XPNPEP1: variants seen among roughly 807,000 people sequenced by gnomAD.
The protein encoded by XPNPEP1 is X-prolyl aminopeptidase 1.
A neutral mutation model predicts 92.4 loss-of-function variants in XPNPEP1; 39 were observed. The ratio of observed to expected loss-of-function variants is 0.42; its 90% CI spans 0.33 to 0.55. The LOEUF (loss-of-function observed/expected upper bound fraction) is 0.55. Among genes scored for constraint, XPNPEP1 ranks in the 20% least tolerant of loss-of-function variants. XPNPEP1 has a pLI of 0.08. For synonymous variants in XPNPEP1, 307 were observed against 299.4 expected, an observed-to-expected ratio of 1.03 and a Z score of -0.26; for missense variants, 654 against 856.1, an observed-to-expected ratio of 0.76 and a Z score of 2.95.
At chr10:109,868,821 G>T in intron 19 of XPNPEP1, 109 bp from the exon 20 acceptor site, 1 of 1,004,356 alleles carries the variant, frequency 1.0e-6, no homozygotes, top group Non-Finnish European at 1.5e-6. Context: ...GTAACTGGGA[G>T]CCAAGAAGTG....
chr10:109,914,268 G>C (rs561320305), intron 2 of XPNPEP1, among the ~76,000 whole-genome samples: 30 of 152,146 alleles, frequency 2.0e-4, no homozygotes, highest in African/African-American at 7.2e-4. Flanking sequence ...TTTCCTAAAT[G>C]CACACTCAAT....
chr10:109,868,764 A>G (rs1205592392), intron 19 of XPNPEP1, 52 bp from the exon 20 acceptor site: 1 of 1,534,212 alleles, frequency 6.5e-7, no homozygotes, highest in Non-Finnish European at 9.0e-7. Context: ...ACTATGCTGA[A>G]GCACCATGAG....
At chr10:109,865,827 T>C (rs1173688996) in intron 20 of XPNPEP1, among the ~76,000 whole-genome samples, 2 of 152,226 alleles carry the variant, frequency 1.3e-5, no homozygotes, top group Non-Finnish European at 2.9e-5. Context: ...GGTTAAAGAC[T>C]GTGGTGCAGC....
intron 19 of XPNPEP1, 63 bp from the exon 20 acceptor site, chr10:109,868,775 G>A: frequency 6.8e-7 from 1 of 1,477,834 alleles, no homozygotes; most frequent in Non-Finnish European, 9.4e-7. Context: ...GCACCATGAG[G>A]TCATTCCACC....
chr10:109,886,878 A>G (rs1848421219), intron 7 of XPNPEP1, among the ~76,000 whole-genome samples: 1 of 152,150 alleles, frequency 6.6e-6, no homozygotes, highest in Admixed American at 6.6e-5. Flanking sequence ...TTTCAGTGCT[A>G]AGACCTAGGA....
At chr10:109,881,702 G>A (rs930786233) in intron 10 of XPNPEP1, among the ~76,000 whole-genome samples, 1 of 152,182 alleles carries the variant, frequency 6.6e-6, no homozygotes, top group Non-Finnish European at 1.5e-5. Flanking sequence ...GCTTGCCAAA[G>A]GCCACTTGGC....
intron 9 of XPNPEP1, chr10:109,883,814 T>G (rs1052057545): frequency 4.7e-5 from 19 of 406,520 alleles, no homozygotes; most frequent in Non-Finnish European, 7.0e-5. Flanking sequence ...CTAGAAAACT[T>G]GACATCAAAT....
At chr10:109,882,665 T>C (rs1327902520) in intron 9 of XPNPEP1, 23 bp from the exon 10 acceptor site, 1 of 1,612,916 alleles carries the variant, frequency 6.2e-7, no homozygotes, top group Non-Finnish European at 8.5e-7. Context: ...GAGAGGTGGG[T>C]GGCAGAAAAA....
intron 3 of XPNPEP1, among the ~76,000 whole-genome samples, chr10:109,904,111 C>T (rs1044838283): frequency 6.6e-6 from 1 of 151,284 alleles, no homozygotes; most frequent in Admixed American, 6.6e-5. Context: ...TTCCAAAATG[C>T]TCGGATTACA....
At chr10:109,888,404 G>GC in intron 6 of XPNPEP1, 99 bp downstream of exon 6, 2 of 1,297,476 alleles carry the variant, frequency 1.5e-6, no homozygotes, top group Non-Finnish European at 2.1e-6. Context: ...GTCATGCTGA[G>GC]CCCCCCAGTG....
intron 1 of XPNPEP1, among the ~76,000 whole-genome samples, chr10:109,916,605 T>C (rs1347685950): frequency 1.3e-5 from 2 of 152,380 alleles, no homozygotes; most frequent in South Asian, 2.1e-4. Flanking sequence ...CCTGCTTTCA[T>C]ATGGCTGTGA....
At chr10:109,873,600 C>G (rs764722436) in intron 15 of XPNPEP1, 173 bp from the exon 16 acceptor site, 15 of 621,604 alleles carry the variant, frequency 2.4e-5, no homozygotes, top group Non-Finnish European at 3.9e-5. Context: ...AATATAGTCA[C>G]CATATGACCC....
intron 1 of XPNPEP1, among the ~76,000 whole-genome samples, chr10:109,918,829 AAAGG>A (rs1850337837): frequency 7.3e-6 from 1 of 137,666 alleles, no homozygotes; most frequent in South Asian, 2.5e-4. Flanking sequence ...GAAAGAAAGG[AAAGG>A]AGGAAGGAAG....
rs1260185683 is a variant in XPNPEP1, at chr10:109,923,406, C to T, written c.28G>A (p.Val10Ile). The T allele has an allele frequency of 2.1e-6, 3 of 1,440,536 alleles. No homozygotes were observed. The highest frequency in any genetic ancestry group is 3.0e-5 in the African/African-American group (2 of 67,256). The allele number at this position is 1,440,536 out of a possible 1,614,324, so 89.2% of individuals were successfully genotyped here. A position where few individuals can be genotyped will look rare whatever the true frequency, so the allele number is the denominator to read the frequency against. The part of the protein sequence containing the change: MAASRKPPR[V>I]RVNHQDFQLR... ...CTGCCGGCGGAGTGCCCTCACCTTA[C>T]TCGCGGTGGCTTTCTGGAGGCTGCC... The change falls in exon 1 of 21, where the codon GTA (valine) becomes ATA (isoleucine). Residue 10 changes from valine (V) to isoleucine (I), a missense_variant. Physicochemically the swap from Val to Ile is conservative, Grantham distance 29 (BLOSUM62 3). Coordinates refer to ENST00000502935, the MANE Select transcript of XPNPEP1 (RefSeq NM_020383.4).
chr10:109,907,574 C>A, intron 3 of XPNPEP1, 117 bp downstream of exon 3: 1 of 1,498,174 alleles, frequency 6.7e-7, no homozygotes, highest in Non-Finnish European at 9.0e-7. Flanking sequence ...CCATAGCAAG[C>A]CCTGGAAGGG....
intron 3 of XPNPEP1, among the ~76,000 whole-genome samples, chr10:109,897,836 T>C (rs941301925): frequency 6.6e-6 from 1 of 152,038 alleles, no homozygotes; most frequent in Non-Finnish European, 1.5e-5. Context: ...GTATTTTTAG[T>C]AGAGACAGGG....
chr10:109,875,228 G>A (rs1424866426), intron 15 of XPNPEP1, among the ~76,000 whole-genome samples: 1 of 152,128 alleles, frequency 6.6e-6, no homozygotes, highest in African/African-American at 2.4e-5. Flanking sequence ...CATGGGCTGG[G>A]GTGGAAAACT....
chr10:109,883,232 G>A (rs1848205542), intron 9 of XPNPEP1, among the ~76,000 whole-genome samples: 1 of 151,878 alleles, frequency 6.6e-6, no homozygotes, highest in Admixed American at 6.6e-5. Context: ...ACCACTTCAG[G>A]TCCTCCACAT....
At chr10:109,903,747 C>T (rs1849409065) in intron 3 of XPNPEP1, among the ~76,000 whole-genome samples, 1 of 152,128 alleles carries the variant, frequency 6.6e-6, no homozygotes, top group African/African-American at 2.4e-5. Flanking sequence ...CTACCTACGA[C>T]TCATACCATA....
Sources: allele counts gnomAD v4.1 joint callset (sites outside exome capture counted in the v4.1 genomes callset), GRCh38; gene constraint gnomAD v4.1.1; transcripts MANE v1.5; gene names NCBI Gene and HGNC (gene_info 2026-07-23, HGNC 2026-07-21).